POC1B: variants seen among roughly 807,000 people sequenced by gnomAD.
POC1B encodes POC1 centriolar protein homolog B.
Under a neutral mutation model 60.6 loss-of-function variants are expected in POC1B, and 44 were observed. That is an observed-to-expected ratio of 0.73 (90% CI 0.57 to 0.93). The LOEUF (loss-of-function observed/expected upper bound fraction) is 0.93, where lower values mean the gene tolerates loss of function less well. POC1B is among the 40% of genes least tolerant of loss of function. POC1B has a pLI of 0.00. For synonymous variants in POC1B, 180 were observed against 198.9 expected, an observed-to-expected ratio of 0.90 and a Z score of 0.80; for missense variants, 555 against 572.3, an observed-to-expected ratio of 0.97 and a Z score of 0.31.
intron 3 of POC1B, among the ~76,000 whole-genome samples, chr12:89,493,901 C>T (rs1869111313): frequency 6.6e-6 from 1 of 152,186 alleles, no homozygotes; most frequent in Admixed American, 6.5e-5. Flanking sequence ...TAACTGGTTT[C>T]TAGTTCCTCA....
At chr12:89,525,534 GC>G in intron 1 of POC1B, 1 of 1,300,590 alleles carries the variant, frequency 7.7e-7, no homozygotes, top group Non-Finnish European at 9.7e-7. Flanking sequence ...GTGCGAGGAT[GC>G]GCCTCGGCTT....
intron 2 of POC1B, among the ~76,000 whole-genome samples, chr12:89,498,961 G>A (rs146144545): frequency 2.5e-4 from 38 of 152,260 alleles, no homozygotes; most frequent in African/African-American, 8.4e-4. Context: ...GTGATTGGGT[G>A]GTCCACTCTG....
At chr12:89,426,076 G>C (rs1013353699) in intron 10 of POC1B, 1 of 152,190 alleles carries the variant, frequency 6.6e-6, no homozygotes, top group African/African-American at 2.4e-5. Flanking sequence ...ATGGAATTCT[G>C]ATACATGTTA....
In POC1B at chr12:89,452,834, A is replaced by C. The variant is rs539191176; in HGVS notation, c.1113+6804T>G. On this transcript the variant is annotated intron_variant, in intron 10 of 11. Transcript: ENST00000313546. ...TTCCTTTAACAAACTAAAACACTTT[A>C]GCATTTTAGTTGTTTTATTTATTTT... Among the ~76,000 whole-genome samples the C allele has an allele frequency of 2.6e-5, 4 of 152,286 alleles. No homozygotes were observed. In the South Asian group the frequency reaches 8.3e-4, roughly 32 times the overall value.
At chr12:89,516,906 C>T (rs1398429342) in intron 2 of POC1B, among the ~76,000 whole-genome samples, 2 of 152,136 alleles carry the variant, frequency 1.3e-5, no homozygotes, top group African/African-American at 2.4e-5. Context: ...AAGGACACAT[C>T]GCTGGATTTA....
chr12:89,499,361 A>T (rs1323573775), intron 2 of POC1B, among the ~76,000 whole-genome samples: 1 of 152,200 alleles, frequency 6.6e-6, no homozygotes. Context: ...AGAGGGAGGA[A>T]AGGAGCGGGG....
At chr12:89,418,043 CAT>C (rs761320481), downstream of POC1B, among the ~76,000 whole-genome samples, 8 of 152,292 alleles carry the variant, frequency 5.3e-5, no homozygotes, top group South Asian at 6.2e-4. Context: ...CAGGGGAAGA[CAT>C]GTGTGAACTG....
chr12:89,443,004 G>GA (rs1881601451), intron 10 of POC1B, among the ~76,000 whole-genome samples: 2 of 152,184 alleles, frequency 1.3e-5, no homozygotes, highest in African/African-American at 4.8e-5. Flanking sequence ...AAGAGACAAA[G>GA]AAGGCCATTA....
intron 10 of POC1B, among the ~76,000 whole-genome samples, chr12:89,449,900 A>T (rs1007138157): frequency 1.3e-5 from 2 of 152,164 alleles, no homozygotes; most frequent in African/African-American, 2.4e-5. Flanking sequence ...TTAATGTTTA[A>T]AGAAGGTTAT....
At chr12:89,509,240 A>G (rs1464376324) in intron 2 of POC1B, among the ~76,000 whole-genome samples, 1 of 152,240 alleles carries the variant, frequency 6.6e-6, no homozygotes, top group Non-Finnish European at 1.5e-5. Context: ...ATTTAATTCA[A>G]CAGGTTATAA....
At chr12:89,422,362 A>C (rs1426933598) in intron 11 of POC1B, among the ~76,000 whole-genome samples, 2 of 152,154 alleles carry the variant, frequency 1.3e-5, no homozygotes, top group Non-Finnish European at 2.9e-5. Context: ...GTGTCACTTA[A>C]AGTCTCTCTT....
At chr12:89,425,127 C>T in intron 11 of POC1B, 34 bp downstream of exon 11, 2 of 1,602,538 alleles carry the variant, frequency 1.2e-6, no homozygotes, top group South Asian at 1.1e-5. Flanking sequence ...ATTTTACCCC[C>T]AAGTGCAACT....
intron 4 of POC1B, among the ~76,000 whole-genome samples, chr12:89,489,067 G>C (rs989838480): frequency 5.3e-5 from 8 of 152,038 alleles, no homozygotes; most frequent in African/African-American, 1.9e-4. Flanking sequence ...ACCATCGTGC[G>C]TTATCTCCTT....
chr12:89,446,663 A>G (rs998918636), intron 10 of POC1B, among the ~76,000 whole-genome samples: 1 of 152,112 alleles, frequency 6.6e-6, no homozygotes, highest in African/African-American at 2.4e-5. Flanking sequence ...TGACGAGTTA[A>G]TGGGTGCAGC....
chr12:89,457,734 T>G (rs1451985243), intron 10 of POC1B, among the ~76,000 whole-genome samples: 1 of 152,232 alleles, frequency 6.6e-6, no homozygotes, highest in African/African-American at 2.4e-5. Context: ...AATGACAATT[T>G]CATATAATTC....
At chr12:89,438,060 A>T (rs1401401114) in intron 10 of POC1B, among the ~76,000 whole-genome samples, 2 of 151,002 alleles carry the variant, frequency 1.3e-5, no homozygotes, top group East Asian at 3.9e-4. Context: ...CAAAAAAAAA[A>T]AAAAAATTAA....
intron 2 of POC1B, chr12:89,523,151 GGTT>G: frequency 6.2e-7 from 1 of 1,613,666 alleles, no homozygotes; most frequent in Non-Finnish European, 8.5e-7. Context: ...GCACCTGTGG[GGTT>G]GTTGTCAGGA....
the POC1B span, among the ~76,000 whole-genome samples, chr12:89,412,282 T>C: frequency 3.3e-5 from 5 of 152,302 alleles, no homozygotes; most frequent in Non-Finnish European, 5.9e-5. Context: ...ACAGTAGTCG[T>C]TTCTTAAGTA....
chr12:89,422,650 CTATT>C (rs1880591558), intron 11 of POC1B, among the ~76,000 whole-genome samples: 1 of 152,200 alleles, frequency 6.6e-6, no homozygotes, highest in Non-Finnish European at 1.5e-5. Flanking sequence ...ATGTCTATAT[CTATT>C]AATTCCTGGA....
Sources: allele counts gnomAD v4.1 joint callset (sites outside exome capture counted in the v4.1 genomes callset), GRCh38; gene constraint gnomAD v4.1.1; transcripts MANE v1.5; gene names NCBI Gene and HGNC (gene_info 2026-07-23, HGNC 2026-07-21).